Variants in PIK3C2G observed in about 807,000 individuals in gnomAD.
PIK3C2G encodes the protein phosphatidylinositol 3-kinase C2 domain-containing subunit gamma.
A neutral mutation model predicts 181.1 loss-of-function variants in PIK3C2G; 168 were observed. That is an observed-to-expected ratio of 0.93 (90% CI 0.82 to 1.05). PIK3C2G has a LOEUF of 1.05. PIK3C2G is among the 50% of genes least tolerant of loss of function. The pLI, the probability that PIK3C2G is intolerant of heterozygous loss-of-function variation, is 0.00. For synonymous variants in PIK3C2G, 573 were observed against 592.2 expected (o/e 0.97, Z 0.47); for missense variants, 1,869 against 1,732.8 (o/e 1.08, Z -1.40).
intron 15 of PIK3C2G, among the ~76,000 whole-genome samples, chr12:18,398,348 C>G (rs1215605584): frequency 6.6e-6 from 1 of 152,012 alleles, no homozygotes; most frequent in African/African-American, 2.4e-5. Context: ...CTTCTGTGGG[C>G]TTTTCAGAGG....
rs1049861457 is a variant in PIK3C2G at position 18,292,366 on chromosome 12, A to G, written c.919+1354A>G. 1.2e-4 allele frequency among the ~76,000 whole-genome samples: 18 copies of G among 151,506 alleles called. No homozygotes were observed. The East Asian group carries it at 2.9e-3, about 25-fold the overall frequency. On this transcript the variant is annotated intron_variant, in intron 4 of 32. Coordinates refer to ENST00000538779, the MANE Select transcript of PIK3C2G (RefSeq NM_001288772.2). ...TCCTGTATGCATCTCATTTCATTTCATATAATTGCTTCTCATATTCCTCTC... is the reference window on the plus strand; with the variant it reads ...TCCTGTATGCATCTCATTTCATTTCGTATAATTGCTTCTCATATTCCTCTC...
chr12:18,271,077 GT>G (rs1158150085), intron 1 of PIK3C2G, among the ~76,000 whole-genome samples: 3 of 152,016 alleles, frequency 2.0e-5, no homozygotes, highest in Non-Finnish European at 4.4e-5. Flanking sequence ...GCTGTTCATA[GT>G]CCCATGCCCC....
At chr12:18,368,202 G>T (rs1171016917) in intron 12 of PIK3C2G, among the ~76,000 whole-genome samples, 4 of 152,120 alleles carry the variant, frequency 2.6e-5, no homozygotes, top group African/African-American at 9.7e-5. Flanking sequence ...CTGTCTACAA[G>T]GAATGTGTTT....
At chr12:18,263,156 C>A (rs1225793079) in intron 1 of PIK3C2G, among the ~76,000 whole-genome samples, 3 of 151,978 alleles carry the variant, frequency 2.0e-5, no homozygotes, top group East Asian at 3.9e-4. Flanking sequence ...TTTTTCTTGG[C>A]AACCTTATTT....
chr12:18,285,700 A>T (rs1313480749), intron 2 of PIK3C2G, among the ~76,000 whole-genome samples: 1 of 151,710 alleles, frequency 6.6e-6, no homozygotes, highest in African/African-American at 2.4e-5. Flanking sequence ...CATGAATTAT[A>T]AAAAAAAGAA....
At chr12:18,712,967 G>A in the PIK3C2G span, 6 of 1,613,612 alleles carry the variant, frequency 3.7e-6, no homozygotes, top group Non-Finnish European at 4.2e-6. Flanking sequence ...TCCAAACAAC[G>A]GCATCCTTTC....
intron 20 of PIK3C2G, among the ~76,000 whole-genome samples, chr12:18,494,039 A>C (rs1420281380): frequency 6.6e-6 from 1 of 152,172 alleles, no homozygotes; most frequent in Non-Finnish European, 1.5e-5. Flanking sequence ...TTTCTTTTTC[A>C]ACTAATTTTT....
the PIK3C2G span, chr12:18,723,198 G>A: frequency 1.6e-5 from 15 of 918,430 alleles, no homozygotes; most frequent in Admixed American, 4.9e-5. Context: ...ATCCAAAAAC[G>A]GTAATTTGAT....
intron 18 of PIK3C2G, among the ~76,000 whole-genome samples, chr12:18,482,397 T>C (rs916734554): frequency 4.6e-5 from 7 of 152,066 alleles, no homozygotes; most frequent in Non-Finnish European, 7.4e-5. Flanking sequence ...GGGTTCACGG[T>C]CAAAGCTGGC....
intron 12 of PIK3C2G, among the ~76,000 whole-genome samples, chr12:18,370,682 G>A (rs1171743299): frequency 6.6e-6 from 1 of 151,984 alleles, no homozygotes; most frequent in African/African-American, 2.4e-5. Context: ...TTCATCTTTT[G>A]TTCTAGCCAC....
At position 18,559,776 on chromosome 12, in the gene PIK3C2G, TTATATATATATATATATATATATATA is replaced by T. The variant is rs369459549; in HGVS notation, c.3591-2906_3591-2881del. The stretch of plus-strand genomic sequence containing the variant: ...ATATCTCAGAATGTATTGTATGAAA[TTATATATATATATATATATATATATA>T]TATATATATATATATATATAGAGAG... On this transcript the variant is annotated intron_variant, in intron 26 of 32. Coordinates refer to ENST00000538779, the MANE Select transcript of PIK3C2G (RefSeq NM_001288772.2). Among the ~76,000 whole-genome samples, 192 of 42,726 alleles carry T rather than the reference TTATATATATATATATATATATATATA, an allele frequency of 4.5e-3. 5 individuals are homozygous for T. Among genetic ancestry groups the T allele is most frequent in the African/African-American group, 0.018 (176 of 9,648 alleles). 28.0% of individuals were successfully genotyped at this position (42,726 alleles called of 152,430 possible). A position where few individuals can be genotyped will look rare whatever the true frequency, so the allele number is the denominator to read the frequency against.
intron 16 of PIK3C2G, among the ~76,000 whole-genome samples, chr12:18,407,773 G>A (rs1349224010): frequency 6.6e-6 from 1 of 152,082 alleles, no homozygotes; most frequent in Non-Finnish European, 1.5e-5. Flanking sequence ...ATTGACAAAA[G>A]GGAAAGATTA....
chr12:18,362,706 T>C (rs1232051535), intron 11 of PIK3C2G, 58 bp from the exon 12 acceptor site: 1 of 1,290,580 alleles, frequency 7.7e-7, no homozygotes, highest in East Asian at 2.7e-5. Context: ...TTGACCCATA[T>C]AGAAAGCTAG....
In PIK3C2G at chr12:18,366,280, C is replaced by A. The variant is rs140554336; in HGVS notation, c.1748+3394C>A. 1.2e-4 allele frequency among the ~76,000 whole-genome samples: 18 copies of A among 152,296 alleles called. No homozygotes were observed. In the East Asian group the frequency reaches 2.7e-3, roughly 23 times the overall value. On this transcript the variant is annotated intron_variant, in intron 12 of 32. Coordinates refer to ENST00000538779, the MANE Select transcript of PIK3C2G (RefSeq NM_001288772.2). ...ACTTTCAGCCAGGTGCAGTGGCTCA[C>A]TCCTGTGATCCCAGCACTTTGGGAG... is the stretch of plus-strand genomic sequence containing the variant.
intron 18 of PIK3C2G, among the ~76,000 whole-genome samples, chr12:18,480,145 G>C (rs1318952651): frequency 6.6e-6 from 1 of 152,116 alleles, no homozygotes; most frequent in African/African-American, 2.4e-5. Flanking sequence ...GGATACAGGA[G>C]GGCCTCATAG....
chr12:18,571,160 T>C (rs1414359159), intron 29 of PIK3C2G, among the ~76,000 whole-genome samples: 1 of 151,014 alleles, frequency 6.6e-6, no homozygotes, highest in African/African-American at 2.5e-5. Context: ...TGATTTCTCT[T>C]GTGGCCATGG....
At position 18,282,718 on chromosome 12, in the gene PIK3C2G, C is replaced by G. The variant is rs747075150; in HGVS notation, c.637C>G (p.Gln213Glu). ...TTTGATGCTTTTGAAAGGCTCTCTT[C>G]AACCCGGAATGTGGGAAAGTACATG... Reference protein sequence around the residue: ...PSLMLLKGSLQPGMWESTWQK... With the variant: ...PSLMLLKGSLEPGMWESTWQK... The change falls in exon 2 of 33, where the codon CAA (glutamine) becomes GAA (glutamate). Residue 213 changes from glutamine to glutamate, a missense_variant. Gln to Glu is a conservative substitution (Grantham distance 29). Coordinates refer to ENST00000538779, the MANE Select transcript of PIK3C2G (RefSeq NM_001288772.2). 1 of 1,611,524 alleles carries G rather than the reference C, an allele frequency of 6.2e-7. No individual in the cohort carries two copies. The highest frequency in any genetic ancestry group is 8.5e-7 in the Non-Finnish European group (1 of 1,178,892).
intron 18 of PIK3C2G, among the ~76,000 whole-genome samples, chr12:18,486,249 G>C (rs1342391983): frequency 6.6e-6 from 1 of 152,118 alleles, no homozygotes; most frequent in East Asian, 1.9e-4. Context: ...TTTGAATGAG[G>C]TATATTCTCC....
At chr12:18,710,567 C>G in the PIK3C2G span, among the ~76,000 whole-genome samples, 2 of 152,104 alleles carry the variant, frequency 1.3e-5, no homozygotes, top group South Asian at 4.2e-4. Context: ...AAAAATCACT[C>G]TGGTTGATAT....
Sources: gnomAD v4.1 joint callset for allele counts (sites outside exome capture counted in the v4.1 genomes callset) on GRCh38, gnomAD v4.1.1 for gene constraint, MANE v1.5 for transcripts, NCBI Gene and HGNC (gene_info 2026-07-23, HGNC 2026-07-21) for gene names.